TET1: variants seen among roughly 807,000 people sequenced by gnomAD.
TET1 encodes methylcytosine dioxygenase TET1.
A neutral mutation model predicts 148.7 loss-of-function variants in TET1; 13 were observed. The ratio of observed to expected loss-of-function variants is 0.09; its 90% CI spans 0.06 to 0.14. The LOEUF (loss-of-function observed/expected upper bound fraction) is 0.14, where lower values mean the gene tolerates loss of function less well. TET1 is among the 10% of genes least tolerant of loss of function. TET1 has a pLI of 1.00. For missense variants in TET1, 2,182 were observed against 2,553.8 expected, an observed-to-expected ratio of 0.85 and a Z score of 3.14; for synonymous variants, 907 against 937.2, an observed-to-expected ratio of 0.97 and a Z score of 0.59.
rs541930132 is a variant in TET1 at position 68,667,024 on chromosome 10, G to T, written c.4462-21G>T. ...TTTGGCATACTTGTCTTCCATAGAT[G>T]AATGTATTCTGTTTTTTCAGGTTTT... On this transcript the variant is annotated intron_variant, in intron 6 of 11. Transcript: ENST00000373644. 3.7e-6 allele frequency: 6 copies of T among 1,606,822 alleles called. No homozygotes were observed. In the South Asian group the frequency reaches 6.6e-5, roughly 18 times the overall value.
At chr10:68,618,902 G>A (rs1274713619) in intron 3 of TET1, among the ~76,000 whole-genome samples, 3 of 152,160 alleles carry the variant, frequency 2.0e-5, no homozygotes, top group Admixed American at 1.3e-4. Context: ...AGGATTTCAA[G>A]GCTGCAGTGA....
intron 2 of TET1, among the ~76,000 whole-genome samples, chr10:68,587,124 C>A (rs1220192610): frequency 1.3e-5 from 2 of 152,198 alleles, no homozygotes; most frequent in Non-Finnish European, 2.9e-5. Flanking sequence ...AGCGAGATGA[C>A]TATGCCGCAG....
chr10:68,593,915 ATTTTTTTTTTTTTTTTTT>A (rs3998851), intron 2 of TET1, among the ~76,000 whole-genome samples: 3 of 44,724 alleles, frequency 6.7e-5, no homozygotes, highest in African/African-American at 2.5e-4. Flanking sequence ...CGCCTGAGCT[ATTTTTTTTTTTTTTTTTT>A]TTTTTTTTTT....
chr10:68,619,333 G>A (rs144763934), intron 3 of TET1, among the ~76,000 whole-genome samples: 1 of 152,032 alleles, frequency 6.6e-6, no homozygotes, highest in East Asian at 1.9e-4. Flanking sequence ...GGGCTCAAGC[G>A]ATCCTCCCAC....
intron 10 of TET1, among the ~76,000 whole-genome samples, chr10:68,684,928 G>A (rs1169200785): frequency 6.6e-6 from 1 of 151,996 alleles, no homozygotes; most frequent in East Asian, 1.9e-4. Flanking sequence ...ACTATTATTA[G>A]TTATGAACAG....
chr10:68,616,084 A>G (rs889399857), intron 3 of TET1, among the ~76,000 whole-genome samples: 1 of 152,240 alleles, frequency 6.6e-6, no homozygotes, highest in Admixed American at 6.5e-5. Flanking sequence ...TGTACTGATA[A>G]GGAAATTAAC....
intron 3 of TET1, among the ~76,000 whole-genome samples, chr10:68,609,316 C>T (rs1403658590): frequency 6.6e-6 from 1 of 152,118 alleles, no homozygotes; most frequent in African/African-American, 2.4e-5. Context: ...CATGTGCCAC[C>T]ACGCCTGGCT....
chr10:68,653,854 C>A (rs909016598), intron 6 of TET1, among the ~76,000 whole-genome samples: 1 of 152,096 alleles, frequency 6.6e-6, no homozygotes, highest in Admixed American at 6.6e-5. Flanking sequence ...CGCCTGTAAT[C>A]CTAACACTTT....
intron 6 of TET1, among the ~76,000 whole-genome samples, chr10:68,654,510 G>A (rs1589114984): frequency 1.3e-5 from 2 of 152,224 alleles, no homozygotes; most frequent in East Asian, 1.9e-4. Flanking sequence ...CCAGCTACTC[G>A]GGAGGCTGAG....
intron 6 of TET1, among the ~76,000 whole-genome samples, chr10:68,656,844 G>T (rs922101030): frequency 2.0e-5 from 3 of 151,108 alleles, no homozygotes; most frequent in Admixed American, 2.0e-4. Flanking sequence ...TGGACAATAC[G>T]GTGAAACTCC....
At chr10:68,586,368 G>T (rs1684301451) in intron 2 of TET1, among the ~76,000 whole-genome samples, 1 of 152,048 alleles carries the variant, frequency 6.6e-6, no homozygotes, top group Non-Finnish European at 1.5e-5. Flanking sequence ...AGCAGAGACA[G>T]GGTTTCACCA....
chr10:68,622,198 CT>C, intron 3 of TET1, among the ~76,000 whole-genome samples: 1 of 127,786 alleles, frequency 7.8e-6, no homozygotes, highest in Non-Finnish European at 1.7e-5. Flanking sequence ...TCCTTCCTTC[CT>C]TCCTTCCTTC....
intron 10 of TET1, 79 bp from the exon 11 acceptor site, chr10:68,686,277 C>A: frequency 8.0e-7 from 1 of 1,249,874 alleles, no homozygotes; most frequent in Non-Finnish European, 1.1e-6. Context: ...CCAAAGGCAA[C>A]AACACGAAGG....
At chr10:68,623,426 T>C (rs2054404521) in intron 3 of TET1, among the ~76,000 whole-genome samples, 1 of 152,234 alleles carries the variant, frequency 6.6e-6, no homozygotes, top group Non-Finnish European at 1.5e-5. Context: ...TACTACATAC[T>C]GTTTCGAGGT....
chr10:68,691,085 T>C lies in TET1; in HGVS notation c.5682T>C (p.Ala1894=). 6.2e-7 allele frequency: 1 copy of C among 1,614,228 alleles called. No homozygotes were observed. Among genetic ancestry groups the C allele is most frequent in the Non-Finnish European group, 8.5e-7 (1 of 1,180,042 alleles). ...GAAGACTCAGTGGTGCCAATGCAGC[T>C]GCTGCTGATGGCCCTGGCATTTCAC... is the stretch of plus-strand genomic sequence containing the variant. The part of the protein sequence containing the change: ...PSGRLSGANA[A]AADGPGISQL... The change falls in exon 12 of 12, where the codon GCT becomes GCC. Residue 1894 remains alanine, a synonymous_variant. Coordinates refer to ENST00000373644, the MANE Select transcript of TET1 (RefSeq NM_030625.3). This position sits in a 1 kb window ranked among gnomAD's most constrained non-coding sequence, Gnocchi z 4.4.
intron 3 of TET1, among the ~76,000 whole-genome samples, chr10:68,626,044 A>C (rs1192274949): frequency 4.0e-5 from 6 of 149,412 alleles, no homozygotes; most frequent in Non-Finnish European, 8.9e-5. Flanking sequence ...AGATGGTGCC[A>C]CTGCACTCCA....
At position 68,611,457 on chromosome 10, in the gene TET1, G is replaced by A. The variant is rs1311464859; in HGVS notation, c.1968+10423G>A. ...GCTCCTGTGAAGCCACCGCACTCCA[G>A]CCTGGGCAACATAGCAAGACTCCAT... On this transcript the variant is annotated intron_variant, in intron 3 of 11. Transcript: ENST00000373644. Among the ~76,000 whole-genome samples, 5 of 152,032 alleles carry A rather than the reference G, an allele frequency of 3.3e-5. No individual in the cohort carries two copies. The East Asian group carries it at 7.8e-4, about 24-fold the overall frequency.
At chr10:68,620,782 C>T (rs564898448) in intron 3 of TET1, among the ~76,000 whole-genome samples, 3 of 152,188 alleles carry the variant, frequency 2.0e-5, no homozygotes, top group South Asian at 2.1e-4. Context: ...CTTTTATGTT[C>T]CCACTACCAG....
intron 6 of TET1, among the ~76,000 whole-genome samples, chr10:68,660,189 C>T (rs934405064): frequency 6.6e-6 from 1 of 152,008 alleles, no homozygotes; most frequent in Non-Finnish European, 1.5e-5. Context: ...CCTTTGGAAA[C>T]CTTACAAATA....
Sources: gnomAD v4.1 joint callset for allele counts (sites outside exome capture counted in the v4.1 genomes callset) on GRCh38, gnomAD v4.1.1 for gene constraint, Gnocchi (gnomAD v3.1) non-coding constraint, MANE v1.5 for transcripts, NCBI Gene and HGNC (gene_info 2026-07-23, HGNC 2026-07-21) for gene names.